Variants in SPINK5 observed in about 807,000 individuals in gnomAD.
SPINK5 encodes serine protease inhibitor Kazal-type 5.
A neutral mutation model predicts 151.8 loss-of-function variants in SPINK5; 125 were observed. The observed-to-expected ratio is 0.82, with a 90% confidence interval of 0.71 to 0.96. SPINK5 has a LOEUF of 0.96. Among genes scored for constraint, SPINK5 ranks in the 40% least tolerant of loss-of-function variants. The probability of loss-of-function intolerance (pLI) is 0.00; values close to 1 mark genes in which losing one functional copy is unlikely to be tolerated. For missense variants in SPINK5, 1,194 were observed against 1,291.9 expected, an observed-to-expected ratio of 0.92 and a Z score of 1.16; for synonymous variants, 374 against 395.3, an observed-to-expected ratio of 0.95 and a Z score of 0.64.
intron 29 of SPINK5, 112 bp from the exon 30 acceptor site, chr5:148,126,871 C>A: frequency 9.0e-6 from 8 of 887,736 alleles, no homozygotes; most frequent in Non-Finnish European, 1.4e-5. Context: ...GGGTTACAGG[C>A]GTGAACTACC....
intron 10 of SPINK5, 46 bp downstream of exon 10, chr5:148,095,951 G>A (rs747235103): frequency 2.4e-6 from 3 of 1,246,298 alleles, no homozygotes; most frequent in African/African-American, 2.0e-5. Flanking sequence ...TGTGTGTGTG[G>A]GGGGGTGCGT....
chr5:148,104,780 T>C (rs1337917199), intron 15 of SPINK5, among the ~76,000 whole-genome samples, 172 bp from the exon 16 acceptor site: 2 of 151,826 alleles, frequency 1.3e-5, no homozygotes, highest in African/African-American at 2.4e-5. Flanking sequence ...CCTGTAATCC[T>C]AGCTACTTGG....
At chr5:148,082,403 A>T (rs1301933053) in intron 4 of SPINK5, among the ~76,000 whole-genome samples, 1 of 150,960 alleles carries the variant, frequency 6.6e-6, no homozygotes, top group Admixed American at 6.6e-5. Flanking sequence ...AACACTTCTT[A>T]ATTTCTCTAC....
At chr5:148,072,770 G>A (rs1403829389) in intron 4 of SPINK5, among the ~76,000 whole-genome samples, 1 of 151,272 alleles carries the variant, frequency 6.6e-6, no homozygotes, top group Non-Finnish European at 1.5e-5. Context: ...TCCAGTACCT[G>A]GAGGGTCCTC....
chr5:148,123,721 A>C (rs866236492), intron 26 of SPINK5, 112 bp from the exon 27 acceptor site: 1 of 1,465,128 alleles, frequency 6.8e-7, no homozygotes, highest in Middle Eastern at 1.7e-4. Flanking sequence ...CTGAAATTTC[A>C]CTTCTCTGTT....
In SPINK5 at chr5:148,120,039, A is replaced by G. The variant is rs1754209010; in HGVS notation, c.2344A>G (p.Lys782Glu). Residue 782 changes from lysine to glutamate, a missense_variant, in exon 25 of 33, where the codon AAA becomes GAA. Lys to Glu is a moderately conservative substitution (Grantham distance 56, BLOSUM62 1). Coordinates refer to ENST00000256084, the MANE Select transcript of SPINK5 (RefSeq NM_006846.4). ...ATGTGATGAGTTTAGAAGCCAAATG[A>G]AAAATGGAAAACTCATCTGCACTCG... ...DTCDEFRSQM[K>E]NGKLICTRES... 2 of 1,613,896 alleles carry G rather than the reference A, an allele frequency of 1.2e-6. No homozygotes were observed.
At chr5:148,123,444 T>G (rs1474626547) in intron 26 of SPINK5, among the ~76,000 whole-genome samples, 3 of 107,522 alleles carry the variant, frequency 2.8e-5, no homozygotes, top group Admixed American at 1.1e-4. Context: ...TATCTATCTA[T>G]CTATATATAT....
At chr5:148,093,964 A>G (rs1264408561) in intron 8 of SPINK5, among the ~76,000 whole-genome samples, 1 of 152,000 alleles carries the variant, frequency 6.6e-6, no homozygotes, top group African/African-American at 2.4e-5. Flanking sequence ...AATCTATTAT[A>G]AAGTTTCCAG....
Position 148,137,093 on chromosome 5 carries a change from A to G in SPINK5, c.*102A>G. 6.8e-7 allele frequency: 1 copy of G among 1,480,910 alleles called. No individual in the cohort carries two copies. The allele number at this position is 1,480,910 out of a possible 1,614,324, so 91.7% of individuals were successfully genotyped here. A position where few individuals can be genotyped will look rare whatever the true frequency, so the allele number is the denominator to read the frequency against. ...CAAAGAATTCTTCGGAGCTTGTCTT[A>G]TTTGCTATAGAAAACAATACAGAGC... On this transcript the variant is annotated 3_prime_UTR_variant, in exon 33 of 33. Coordinates refer to ENST00000256084, the MANE Select transcript of SPINK5 (RefSeq NM_006846.4).
At chr5:148,124,916 TAATA>T in intron 28 of SPINK5, 79 bp downstream of exon 28, 2 of 1,381,792 alleles carry the variant, frequency 1.4e-6, no homozygotes, top group Non-Finnish European at 1.9e-6. Flanking sequence ...GCTTTGGGAA[TAATA>T]AATATATTAA....
chr5:148,099,302 C>G lies in SPINK5; in HGVS notation c.1079C>G (p.Ala360Gly). The change falls in exon 12 of 33, where the codon GCA becomes GGA. Residue 360 changes from alanine to glycine, a missense_variant. Transcript: ENST00000256084. ...AGAAACAAAAGAGAATCTGGAAAAG[C>G]AACCTCATATGCAGTGAGTGGAATC... ...RARNKRESGK[A>G]TSYAELCSEY... is the part of the protein sequence containing the mutation. 1.2e-6 allele frequency: 2 copies of G among 1,612,238 alleles called. No individual in the cohort carries two copies. Among genetic ancestry groups the G allele is most frequent in the Non-Finnish European group, 1.7e-6 (2 of 1,178,940 alleles).
In SPINK5 at chr5:148,086,510, T is replaced by A. The variant is rs1753157907; in HGVS notation, c.388T>A (p.Cys130Ser). 1 of 1,611,530 alleles carries A rather than the reference T, an allele frequency of 6.2e-7. No individual in the cohort carries two copies. The highest frequency in any genetic ancestry group is 2.2e-5 in the East Asian group (1 of 44,742). Reference sequence around the variant, plus strand: ...AGATGGGAAAACATATGACAACAGATGTGCACTGTGTGCTGAGAATGCGTG... The same window carrying A: ...AGATGGGAAAACATATGACAACAGAAGTGCACTGTGTGCTGAGAATGCGTG... ...GTDGKTYDNR[C>S]ALCAENAKTG... Residue 130 changes from cysteine to serine, a missense_variant, in exon 5 of 33, where the codon TGT becomes AGT. Coordinates refer to ENST00000256084, the MANE Select transcript of SPINK5 (RefSeq NM_006846.4).
At chr5:148,101,675 C>T in intron 14 of SPINK5, 106 bp from the exon 15 acceptor site, 3 of 1,531,202 alleles carry the variant, frequency 2.0e-6, no homozygotes, top group Non-Finnish European at 1.8e-6. Context: ...CTAAAATAAG[C>T]CAATTGCTAA....
At chr5:148,072,088 G>C in intron 3 of SPINK5, 60 bp from the exon 4 acceptor site, 1 of 1,513,428 alleles carries the variant, frequency 6.6e-7, no homozygotes, top group Non-Finnish European at 9.2e-7. Context: ...CATGTTAGCT[G>C]TTATTGTTAA....
intron 32 of SPINK5, 188 bp downstream of exon 32, chr5:148,134,075 T>C (rs1342841043): frequency 1.5e-6 from 1 of 681,820 alleles, no homozygotes; most frequent in Non-Finnish European, 2.7e-6. Flanking sequence ...GTGGAAATAA[T>C]GTAGCAGTTA....
At chr5:148,078,292 A>G (rs892511810) in intron 4 of SPINK5, among the ~76,000 whole-genome samples, 1 of 151,224 alleles carries the variant, frequency 6.6e-6, no homozygotes, top group Non-Finnish European at 1.5e-5. Flanking sequence ...TATATAACAA[A>G]AAATGCTATA....
At chr5:148,068,348 C>T (rs1270268914) in intron 2 of SPINK5, among the ~76,000 whole-genome samples, 2 of 151,966 alleles carry the variant, frequency 1.3e-5, no homozygotes, top group African/African-American at 4.8e-5. Flanking sequence ...AACTGCCTAC[C>T]ATTTTTAAGA....
chr5:148,100,362 G>A, intron 12 of SPINK5, 92 bp from the exon 13 acceptor site: 1 of 1,333,966 alleles, frequency 7.5e-7, no homozygotes, highest in South Asian at 1.2e-5. Context: ...TCAAAGAGAT[G>A]TAACATTAGT....
At chr5:148,079,017 A>C (rs1752954287) in intron 4 of SPINK5, among the ~76,000 whole-genome samples, 1 of 150,978 alleles carries the variant, frequency 6.6e-6, no homozygotes, top group African/African-American at 2.4e-5. Flanking sequence ...AACCTGACAA[A>C]CCCTTAGTTT....
Sources: gnomAD v4.1 joint callset for allele counts (sites outside exome capture counted in the v4.1 genomes callset) on GRCh38, gnomAD v4.1.1 for gene constraint, MANE v1.5 for transcripts, NCBI Gene and HGNC (gene_info 2026-07-23, HGNC 2026-07-21) for gene names.